Variants in PTPN11 observed in about 807,000 individuals in gnomAD.
The protein encoded by PTPN11 is tyrosine-protein phosphatase non-receptor type 11.
In PTPN11, 6 loss-of-function variants were observed where a neutral mutation model predicts 78.8. The observed-to-expected ratio is 0.08, with a 90% confidence interval of 0.04 to 0.15. PTPN11 has a LOEUF of 0.15. PTPN11 is among the 10% of genes least tolerant of loss of function. The pLI is 1.00. For synonymous variants in PTPN11, 221 were observed against 263.5 expected, an observed-to-expected ratio of 0.84 and a Z score of 1.56; for missense variants, 386 against 744.8, an observed-to-expected ratio of 0.52 and a Z score of 5.61.
At position 112,487,674 on chromosome 12, in the gene PTPN11, C is replaced by T. The variant is rs185399124; in HGVS notation, c.1380-769C>T. Reference sequence around the variant, plus strand: ...GATATATGTGAAAGTGTTTATTTGTCCAGTTGTTAAAGAAGCTACCATTTA... The same window carrying T: ...GATATATGTGAAAGTGTTTATTTGTTCAGTTGTTAAAGAAGCTACCATTTA... On this transcript the variant is annotated intron_variant, in intron 11 of 15. Transcript: ENST00000351677. Among the ~76,000 whole-genome samples, 305 of 152,202 alleles carry T rather than the reference C, an allele frequency of 2.0e-3. 1 individual carries two copies. The highest frequency in any genetic ancestry group is 7.2e-3 in the African/African-American group (299 of 41,532).
chr12:112,489,280 AT>A, intron 13 of PTPN11, 105 bp downstream of exon 13: 3 of 1,369,722 alleles, frequency 2.2e-6, no homozygotes, highest in Non-Finnish European at 3.1e-6. Context: ...CAACTGTTTG[AT>A]TTCGGAATGG....
intron 2 of PTPN11, among the ~76,000 whole-genome samples, chr12:112,450,055 C>T (rs2038057035): frequency 6.7e-6 from 1 of 149,036 alleles, no homozygotes; most frequent in Non-Finnish European, 1.5e-5. Context: ...CATTGCACTC[C>T]AGCCTGGGCA....
At chr12:112,444,065 A>G (rs1025118446) in intron 1 of PTPN11, among the ~76,000 whole-genome samples, 8 of 152,106 alleles carry the variant, frequency 5.3e-5, no homozygotes, top group Non-Finnish European at 1.2e-4. Context: ...TGCTGGGATT[A>G]TAGGCGTGAA....
intron 1 of PTPN11, among the ~76,000 whole-genome samples, chr12:112,442,606 C>T (rs1246881702): frequency 6.6e-6 from 1 of 151,060 alleles, no homozygotes; most frequent in Admixed American, 6.6e-5. Flanking sequence ...CGCTTGCCAC[C>T]ACGGCCGGCT....
intron 1 of PTPN11, among the ~76,000 whole-genome samples, chr12:112,445,064 T>C (rs1014980687): frequency 6.6e-6 from 1 of 152,154 alleles, no homozygotes; most frequent in Admixed American, 6.6e-5. Flanking sequence ...TGTATATATA[T>C]ATGTGTGTGT....
rs2038125422 is a variant in PTPN11, at chr12:112,454,593, A to G, written c.555A>G (p.Glu185=). ...QELKYDVGGG[E]RFDSLTDLVE... is the part of the protein sequence containing the mutation. The stretch of plus-strand genomic sequence containing the variant: ...TGAAATACGACGTTGGTGGAGGAGA[A>G]CGGTTTGATTCTTTGACAGATCTTG... The change falls in exon 5 of 16, where the codon GAA becomes GAG. Residue 185 remains glutamate, a synonymous_variant. Coordinates refer to ENST00000351677, the MANE Select transcript of PTPN11 (RefSeq NM_002834.5). The G allele has an allele frequency of 9.9e-6, 16 of 1,613,712 alleles. No individual in the cohort carries two copies. The highest frequency in any genetic ancestry group is 1.4e-5 in the Non-Finnish European group (16 of 1,179,766).
chr12:112,472,573 G>A (rs1415274773), intron 6 of PTPN11, among the ~76,000 whole-genome samples: 2 of 146,290 alleles, frequency 1.4e-5, no homozygotes, highest in African/African-American at 2.6e-5. Context: ...TCGCTCTTTC[G>A]CCCAGGCTGG....
At chr12:112,441,067 C>T (rs767804013) in intron 1 of PTPN11, among the ~76,000 whole-genome samples, 2 of 147,000 alleles carry the variant, frequency 1.4e-5, no homozygotes, top group African/African-American at 5.0e-5. Flanking sequence ...CGGGTTCAAG[C>T]GATTCTTCTG....
chr12:112,498,925 T>C lies in PTPN11; in HGVS notation c.1600-3219T>C, dbSNP rs576850318. ...ATGCTTTTCCTTGGATTCCTTTGAG[T>C]CATTGAAGTAATTCCTGTTTCATTT... On this transcript the variant is annotated intron_variant, in intron 13 of 15. Transcript: ENST00000351677. 6.6e-5 allele frequency among the ~76,000 whole-genome samples: 10 copies of C among 152,342 alleles called. 1 individual carries two copies. The South Asian group carries it at 2.1e-3, about 32-fold the overall frequency.
intron 1 of PTPN11, among the ~76,000 whole-genome samples, chr12:112,435,103 C>T (rs1298001035): frequency 1.3e-5 from 2 of 152,016 alleles, no homozygotes; most frequent in Non-Finnish European, 2.9e-5. Context: ...ACTGCAACCC[C>T]GACGTCCCAG....
chr12:112,458,598 A>T (rs183615161), intron 6 of PTPN11, among the ~76,000 whole-genome samples: 1 of 152,270 alleles, frequency 6.6e-6, no homozygotes, highest in East Asian at 1.9e-4. Context: ...CTGAACAGAG[A>T]CTTGAATTTG....
chr12:112,448,093 C>T (rs904216621), intron 2 of PTPN11, among the ~76,000 whole-genome samples: 13 of 151,640 alleles, frequency 8.6e-5, no homozygotes, highest in African/African-American at 2.9e-4. Flanking sequence ...TGAGCTATCG[C>T]GCCTGGCCTG....
chr12:112,489,259 G>T (rs1592854817), intron 13 of PTPN11, 84 bp downstream of exon 13: 1 of 1,500,748 alleles, frequency 6.7e-7, no homozygotes, highest in Non-Finnish European at 9.3e-7. Flanking sequence ...AGGAGGACAG[G>T]CTCTGATAGA....
At chr12:112,434,926 A>G (rs912097955) in intron 1 of PTPN11, among the ~76,000 whole-genome samples, 3 of 152,048 alleles carry the variant, frequency 2.0e-5, no homozygotes. Context: ...AGCTGAGACT[A>G]CAGGCACGCA....
At chr12:112,487,033 C>T in intron 11 of PTPN11, 3 of 534,792 alleles carry the variant, frequency 5.6e-6, no homozygotes, top group Non-Finnish European at 7.9e-6. Context: ...TCTTGAGGAT[C>T]CCTTAAGTCA....
chr12:112,498,861 C>A (rs1341016245), intron 13 of PTPN11, among the ~76,000 whole-genome samples: 3 of 152,162 alleles, frequency 2.0e-5, no homozygotes, highest in African/African-American at 7.2e-5. Context: ...AGTTTTATTT[C>A]TTGGTCTTCT....
At chr12:112,429,738 G>A (rs1044056078) in intron 1 of PTPN11, among the ~76,000 whole-genome samples, 4 of 150,952 alleles carry the variant, frequency 2.6e-5, no homozygotes, top group East Asian at 2.0e-4. Flanking sequence ...CGGGAGTGGA[G>A]GTTGCAGTGA....
At chr12:112,459,133 G>A (rs1366705861) in intron 6 of PTPN11, among the ~76,000 whole-genome samples, 3 of 152,066 alleles carry the variant, frequency 2.0e-5, no homozygotes, top group Non-Finnish European at 4.4e-5. Flanking sequence ...ATAATAAAAG[G>A]CAGCATTTCA....
At chr12:112,450,182 T>C in intron 2 of PTPN11, 136 bp from the exon 3 acceptor site, 2 of 754,558 alleles carry the variant, frequency 2.7e-6, no homozygotes, top group Non-Finnish European at 4.6e-6. Flanking sequence ...TCGTATTTCT[T>C]ATAGGGAATA....
Sources: gnomAD v4.1 joint callset for allele counts (sites outside exome capture counted in the v4.1 genomes callset) on GRCh38, gnomAD v4.1.1 for gene constraint, MANE v1.5 for transcripts, NCBI Gene and HGNC (gene_info 2026-07-23, HGNC 2026-07-21) for gene names.